Variants in CFAP92 observed in about 807,000 individuals in gnomAD.
The protein encoded by CFAP92 is uncharacterized protein CFAP92.
In CFAP92, 86 loss-of-function variants were observed where a neutral mutation model predicts 106.3. The observed-to-expected ratio is 0.81, with a 90% CI of 0.68 to 0.97. CFAP92 has a LOEUF of 0.97. CFAP92 is among the 50% of genes least tolerant of loss of function. The pLI is 0.00. For missense variants in CFAP92, 1,204 were observed against 1,283.8 expected, an observed-to-expected ratio of 0.94 and a Z score of 0.95; for synonymous variants, 477 against 506.4, an observed-to-expected ratio of 0.94 and a Z score of 0.78.
intron 9 of CFAP92, among the ~76,000 whole-genome samples, chr3:128,947,903 A>G (rs1171857346): frequency 6.6e-6 from 1 of 152,142 alleles, no homozygotes; most frequent in Admixed American, 6.6e-5. Context: ...TGAGAAGAAA[A>G]CAGAAAAAAA....
Position 128,915,425 on chromosome 3 carries a change from C to T in CFAP92, c.3055G>A (p.Gly1019Ser), listed in dbSNP as rs1368149733. The T allele has an allele frequency of 5.2e-6, 8 of 1,536,014 alleles. No homozygotes were observed. The highest frequency in any genetic ancestry group is 1.4e-5 in the African/African-American group (1 of 73,030). The change falls in exon 14 of 16, where the codon GGT becomes AGT. Residue 1019 changes from glycine to serine, a missense_variant. By Grantham distance (56) the Gly-to-Ser change is moderately conservative. Transcript: ENST00000645291. The stretch of plus-strand genomic sequence containing the variant: ...CTGCTTTCGGTGTCGCTCTGAAGAC[C>T]TGTCACTTGGAATCCCCTGGCTGTG... The part of the protein sequence containing the change: ...WLTARGFQVT[G>S]LQSDTESSFQ...
At chr3:128,953,579 C>G (rs1031738268) in intron 9 of CFAP92, among the ~76,000 whole-genome samples, 1 of 117,272 alleles carries the variant, frequency 8.5e-6, no homozygotes, top group African/African-American at 5.1e-5. Context: ...CTCCCTCTCC[C>G]TCTCCCTCTC....
chr3:129,017,540 G>A, the CFAP92 span, among the ~76,000 whole-genome samples: 13 of 152,226 alleles, frequency 8.5e-5, no homozygotes, highest in Non-Finnish European at 1.8e-4. Context: ...CCTTTTGGCC[G>A]TGGGACCGAG....
chr3:129,012,948 A>T, the CFAP92 span, among the ~76,000 whole-genome samples: 1 of 152,146 alleles, frequency 6.6e-6, no homozygotes, highest in Non-Finnish European at 1.5e-5. Flanking sequence ...GGTTTTCTTT[A>T]TTTAAGGTGG....
intron 12 of CFAP92, among the ~76,000 whole-genome samples, chr3:128,931,684 T>C (rs139978832): frequency 2.0e-5 from 3 of 151,826 alleles, no homozygotes; most frequent in East Asian, 3.9e-4. Flanking sequence ...AATTGATAAA[T>C]CCAAGAACTG....
At chr3:129,003,175 G>A (rs1263708642), upstream of CFAP92, 4 of 960,740 alleles carry the variant, frequency 4.2e-6, no homozygotes, top group Non-Finnish European at 5.0e-6. Context: ...CAGTGTCAGT[G>A]TGCATGGAAG....
the CFAP92 span, among the ~76,000 whole-genome samples, chr3:129,017,525 C>T: frequency 4.6e-5 from 7 of 152,330 alleles, no homozygotes; most frequent in Non-Finnish European, 2.9e-5. Context: ...TGGCAGAATC[C>T]AGCTCCTTTT....
At chr3:128,941,045 G>A (rs1939568980) in intron 10 of CFAP92, among the ~76,000 whole-genome samples, 1 of 152,100 alleles carries the variant, frequency 6.6e-6, no homozygotes, top group African/African-American at 2.4e-5. Flanking sequence ...TCAAATTCAT[G>A]AACATGGTAT....
chr3:128,939,923 C>T (rs1452250378), intron 10 of CFAP92, among the ~76,000 whole-genome samples: 4 of 152,242 alleles, frequency 2.6e-5, no homozygotes, highest in Admixed American at 2.6e-4. Context: ...TGACCTCCTG[C>T]TGTGCAGCCC....
intron 9 of CFAP92, among the ~76,000 whole-genome samples, chr3:128,956,736 T>C (rs895496624): frequency 2.0e-5 from 3 of 151,916 alleles, no homozygotes; most frequent in Non-Finnish European, 4.4e-5. Context: ...CCCCAGCACT[T>C]TGGGAGGCCG....
At chr3:129,026,123 T>G in the CFAP92 span, among the ~76,000 whole-genome samples, 1 of 152,242 alleles carries the variant, frequency 6.6e-6, no homozygotes, top group Non-Finnish European at 1.5e-5. Flanking sequence ...TTTGAAATAT[T>G]GAGAACAGCT....
rs540803643 is a variant in CFAP92, at chr3:128,939,732, G to C, written c.2259-4413C>G. Among the ~76,000 whole-genome samples, 101 of 152,292 alleles carry C rather than the reference G, an allele frequency of 6.6e-4. 1 individual carries two copies. Among genetic ancestry groups the C allele is most frequent in the South Asian group, 3.9e-3 (19 of 4,820 alleles). On this transcript the variant is annotated intron_variant, in intron 10 of 15. Transcript: ENST00000645291. ...CGTGGAAGACAATTTTTCCACGGAC[G>C]GGGTTGGGAGGATGATTTCAGGATG... is the stretch of plus-strand genomic sequence containing the variant.
intron 12 of CFAP92, among the ~76,000 whole-genome samples, chr3:128,927,491 CG>C (rs1937803467): frequency 6.6e-6 from 1 of 151,976 alleles, no homozygotes; most frequent in Non-Finnish European, 1.5e-5. Flanking sequence ...GAGGCCGAGG[CG>C]GGTGGATCAA....
chr3:128,931,839 ACAGCAAGACC>A (rs1938429112), intron 12 of CFAP92, among the ~76,000 whole-genome samples: 1 of 151,866 alleles, frequency 6.6e-6, no homozygotes, highest in Non-Finnish European at 1.5e-5. Flanking sequence ...CCTAGGCAAC[ACAGCAAGACC>A]CAATCTCTAA....
chr3:128,956,215 TA>T (rs545191144), intron 9 of CFAP92, among the ~76,000 whole-genome samples: 4,624 of 68,646 alleles, frequency 0.067, 388 homozygotes, highest in African/African-American at 0.19. Flanking sequence ...AATAAAAAAA[TA>T]AAAAAAAAAA....
At chr3:128,910,365 C>G (rs1400014503) in intron 15 of CFAP92, 32 bp from the exon 16 acceptor site, 1 of 1,462,144 alleles carries the variant, frequency 6.8e-7, no homozygotes, top group East Asian at 2.5e-5. Flanking sequence ...GACAGGGGTT[C>G]CTGATCCCAG....
At chr3:128,957,249 C>A (rs1941513923) in intron 9 of CFAP92, among the ~76,000 whole-genome samples, 1 of 152,132 alleles carries the variant, frequency 6.6e-6, no homozygotes, top group Admixed American at 6.5e-5. Flanking sequence ...TTTCCTTCAA[C>A]CCTTGAGTTT....
intron 9 of CFAP92, among the ~76,000 whole-genome samples, chr3:128,960,895 A>C (rs1941853996): frequency 6.6e-6 from 1 of 151,920 alleles, no homozygotes; most frequent in Non-Finnish European, 1.5e-5. Flanking sequence ...CTTAGCGGCA[A>C]GTCCCGCTTT....
chr3:129,011,599 C>A, the CFAP92 span, among the ~76,000 whole-genome samples: 1 of 151,796 alleles, frequency 6.6e-6, no homozygotes, highest in African/African-American at 2.4e-5. Flanking sequence ...CTTGTCTATC[C>A]AGAAAAGCAA....
Sources: gnomAD v4.1 joint callset for allele counts (sites outside exome capture counted in the v4.1 genomes callset) on GRCh38, gnomAD v4.1.1 for gene constraint, MANE v1.5 for transcripts, NCBI Gene and HGNC (gene_info 2026-07-23, HGNC 2026-07-21) for gene names.